STMN4: variants seen among roughly 807,000 people sequenced by gnomAD.
STMN4 encodes stathmin 4, also known as stathmin-4.
Under a neutral mutation model 29.1 loss-of-function variants are expected in STMN4, and 12 were observed. That is an observed-to-expected ratio of 0.41 (90% CI 0.26 to 0.67). The LOEUF is 0.67. Ranked by LOEUF, STMN4 falls within the 30% of genes least tolerant of loss-of-function variation. STMN4 has a pLI of 0.30. For missense variants in STMN4, 181 were observed against 262.8 expected, an observed-to-expected ratio of 0.69 and a Z score of 2.15; for synonymous variants, 114 against 105.3, an observed-to-expected ratio of 1.08 and a Z score of -0.51.
chr8:27,242,212 C>T (rs1801495369), intron 3 of STMN4, 185 bp downstream of exon 3: 4 of 629,976 alleles, frequency 6.3e-6, no homozygotes, highest in South Asian at 6.0e-5. Flanking sequence ...TGGCCTCCCC[C>T]TAGTGCCCAG....
At chr8:27,255,406 T>C (rs11135988) in intron 1 of STMN4, among the ~76,000 whole-genome samples, 4 of 152,100 alleles carry the variant, frequency 2.6e-5, no homozygotes, top group Non-Finnish European at 5.9e-5. Context: ...CAGGTAAGTA[T>C]GAAATAATAT....
At chr8:27,242,363 C>T (rs781672622) in intron 3 of STMN4, 34 bp downstream of exon 3, 14 of 1,603,822 alleles carry the variant, frequency 8.7e-6, no homozygotes, top group Non-Finnish European at 1.2e-5. Flanking sequence ...AGGGCCCCCC[C>T]GCCCCTCACT....
intron 1 of STMN4, among the ~76,000 whole-genome samples, chr8:27,251,495 C>A (rs1586019169): frequency 6.6e-6 from 1 of 151,886 alleles, no homozygotes; most frequent in South Asian, 2.1e-4. Flanking sequence ...ATATACAGGG[C>A]AAGCCCTTTT....
At chr8:27,256,854 C>T (rs1391785047) in intron 1 of STMN4, among the ~76,000 whole-genome samples, 1 of 152,066 alleles carries the variant, frequency 6.6e-6, no homozygotes, top group South Asian at 2.1e-4. Flanking sequence ...GGTGGCCATC[C>T]AACTTCTGCT....
chr8:27,245,005 A>G (rs1467146490), intron 1 of STMN4, among the ~76,000 whole-genome samples: 2 of 151,818 alleles, frequency 1.3e-5, no homozygotes, highest in African/African-American at 2.4e-5. Flanking sequence ...CCCACTTCAA[A>G]CCCCTTGCCT....
chr8:27,244,912 T>G (rs934440291), intron 1 of STMN4, among the ~76,000 whole-genome samples: 4 of 152,180 alleles, frequency 2.6e-5, no homozygotes, highest in African/African-American at 9.7e-5. Flanking sequence ...TCGGTCACCC[T>G]CTGTGGTCAC....
intron 1 of STMN4, among the ~76,000 whole-genome samples, chr8:27,248,022 T>C (rs556315753): frequency 6.6e-6 from 1 of 152,284 alleles, no homozygotes; most frequent in African/African-American, 2.4e-5. Context: ...AGAAGGTCAA[T>C]GTGGCAGTCA....
At position 27,236,950 on chromosome 8, in the gene STMN4, C is replaced by T. The variant is rs368226476; in HGVS notation, c.592-45G>A. ...AAAGGGCAGGTCACACAAGGCTGCCCGGGGACAAAAAGGGAGGCCAAGGGG... is the reference window on the plus strand; with the variant it reads ...AAAGGGCAGGTCACACAAGGCTGCCTGGGGACAAAAAGGGAGGCCAAGGGG... On this transcript the variant is annotated intron_variant, in intron 6 of 6. Coordinates refer to ENST00000350889, the MANE Select transcript of STMN4 (RefSeq NM_030795.4). The T allele has an allele frequency of 5.5e-5, 86 of 1,576,032 alleles. No individual in the cohort carries two copies. The East Asian group carries it at 1.1e-3, about 20-fold the overall frequency.
intron 4 of STMN4, 81 bp downstream of exon 4, chr8:27,241,596 T>G (rs1586006625): frequency 6.6e-5 from 99 of 1,502,864 alleles, no homozygotes; most frequent in East Asian, 2.3e-5. Flanking sequence ...CAGGCAGGGG[T>G]GCGTTTCAGC....
chr8:27,241,776 C>T lies in STMN4; in HGVS notation c.110-19G>A. Reference sequence around the variant, plus strand: ...CACCAGCCTAGACAGAAAAAACAACCTCAGGTCATCCGAGCATGCCTGTTC... The same window carrying T: ...CACCAGCCTAGACAGAAAAAACAACTTCAGGTCATCCGAGCATGCCTGTTC... On this transcript the variant is annotated intron_variant, in intron 3 of 6. Coordinates refer to ENST00000350889, the MANE Select transcript of STMN4 (RefSeq NM_030795.4). 1 of 1,614,122 alleles carries T rather than the reference C, an allele frequency of 6.2e-7. No individual in the cohort carries two copies. Among genetic ancestry groups the T allele is most frequent in the Non-Finnish European group, 8.5e-7 (1 of 1,179,968 alleles).
At position 27,241,663 on chromosome 8, in the gene STMN4, T is replaced by G. The variant is rs375481658; in HGVS notation, c.190+14A>C. 8.2e-5 allele frequency: 133 copies of G among 1,613,944 alleles called. 2 individuals carry two copies. In the South Asian group the frequency reaches 8.3e-4, roughly 10 times the overall value. On this transcript the variant is annotated intron_variant, in intron 4 of 6. Coordinates refer to ENST00000350889, the MANE Select transcript of STMN4 (RefSeq NM_030795.4). ...CGCTCGGCCTGCGGAATCCCTCCGC[T>G]GCCTCCCTCCTACCCTGAGCTCTTC... is the stretch of plus-strand genomic sequence containing the variant.
At chr8:27,238,528 G>A (rs948271924) in intron 6 of STMN4, among the ~76,000 whole-genome samples, 6 of 152,188 alleles carry the variant, frequency 3.9e-5, no homozygotes, top group Non-Finnish European at 5.9e-5. Flanking sequence ...CGATCTCTCT[G>A]CCTCTGAATC....
intron 1 of STMN4, among the ~76,000 whole-genome samples, chr8:27,250,699 C>G (rs1352812193): frequency 6.6e-6 from 1 of 152,172 alleles, no homozygotes; most frequent in African/African-American, 2.4e-5. Flanking sequence ...TTGCTTCCAA[C>G]AGCATCTAGA....
intron 1 of STMN4, among the ~76,000 whole-genome samples, chr8:27,256,468 T>C (rs1365405852): frequency 6.6e-6 from 1 of 152,242 alleles, no homozygotes; most frequent in Non-Finnish European, 1.5e-5. Flanking sequence ...CTTAGCCTAA[T>C]GTTTCTCAAA....
At position 27,257,412 on chromosome 8, in the gene STMN4, A is replaced by G. The variant is rs140540375; in HGVS notation, c.-79+939T>C. 8.7e-5 allele frequency among the ~76,000 whole-genome samples: 13 copies of G among 149,884 alleles called. 1 individual carries two copies. The East Asian group carries it at 2.2e-3, about 25-fold the overall frequency. On this transcript the variant is annotated intron_variant, in intron 1 of 6. Coordinates refer to ENST00000350889, the MANE Select transcript of STMN4 (RefSeq NM_030795.4). ...GGGTATCCCTTCCCAGGGCATTCAG[A>G]TAAGGGTGCCTGAACATTCCTGACC...
intron 1 of STMN4, among the ~76,000 whole-genome samples, chr8:27,246,092 T>C (rs1801616511): frequency 6.6e-6 from 1 of 152,186 alleles, no homozygotes; most frequent in Non-Finnish European, 1.5e-5. Flanking sequence ...AACTAGATAC[T>C]CACTAATGCT....
At chr8:27,247,618 T>C (rs1321009081) in intron 1 of STMN4, among the ~76,000 whole-genome samples, 1 of 152,176 alleles carries the variant, frequency 6.6e-6, no homozygotes, top group Non-Finnish European at 1.5e-5. Context: ...CATGTTATCA[T>C]GCCACAGCAA....
chr8:27,255,008 G>A (rs1034673278), intron 1 of STMN4, among the ~76,000 whole-genome samples: 13 of 151,916 alleles, frequency 8.6e-5, no homozygotes, highest in South Asian at 2.1e-4. Flanking sequence ...TGGGAAGGGC[G>A]CAGGTGTGCA....
chr8:27,252,589 C>T (rs2130154685), intron 1 of STMN4, among the ~76,000 whole-genome samples: 1 of 152,276 alleles, frequency 6.6e-6, no homozygotes, highest in Admixed American at 6.5e-5. Context: ...CCGTGCCTGG[C>T]CAGGGCATAC....
Sources: allele counts gnomAD v4.1 joint callset (sites outside exome capture counted in the v4.1 genomes callset), GRCh38; gene constraint gnomAD v4.1.1; transcripts MANE v1.5; gene names NCBI Gene and HGNC (gene_info 2026-07-23, HGNC 2026-07-21).